The following NFXL1 variants were observed in gnomAD, a reference collection of about 807,000 sequenced individuals.
The protein encoded by NFXL1 is NF-X1-type zinc finger protein NFXL1.
A neutral mutation model predicts 123.3 loss-of-function variants in NFXL1; 66 were observed. The observed-to-expected ratio is 0.54, with a 90% CI of 0.44 to 0.66. NFXL1 has a LOEUF of 0.66. Ranked by LOEUF, NFXL1 falls within the 30% of genes least tolerant of loss-of-function variation. The pLI is 0.00. For synonymous variants in NFXL1, 346 were observed against 360.8 expected (o/e 0.96, Z 0.46); for missense variants, 944 against 1,125.6 (o/e 0.84, Z 2.31).
chr4:47,850,819 A>G (rs938999095), intron 22 of NFXL1, among the ~76,000 whole-genome samples: 2 of 152,104 alleles, frequency 1.3e-5, no homozygotes, highest in African/African-American at 2.4e-5. Context: ...AGGAGGAATT[A>G]AAATTCTTCT....
Position 47,903,887 on chromosome 4 carries a change from C to T in NFXL1, c.517-564G>A, listed in dbSNP as rs1737451835. Reference sequence around the variant, plus strand: ...TAGGTAATCAAAAAACAAGAATATACATAATTTAAAAGCTTAAGAAATAAT... The same window carrying T: ...TAGGTAATCAAAAAACAAGAATATATATAATTTAAAAGCTTAAGAAATAAT... On this transcript the variant is annotated intron_variant, in intron 4 of 22. Coordinates refer to ENST00000507489, the MANE Select transcript of NFXL1 (RefSeq NM_001278624.2). Among the ~76,000 whole-genome samples the T allele has an allele frequency of 2.0e-5, 3 of 152,072 alleles. No individual in the cohort carries two copies. The South Asian group carries it at 6.2e-4, about 31-fold the overall frequency.
chr4:47,913,784 G>C (rs891188411), intron 2 of NFXL1, among the ~76,000 whole-genome samples, 185 bp downstream of exon 2: 1 of 152,190 alleles, frequency 6.6e-6, no homozygotes, highest in Non-Finnish European at 1.5e-5. Context: ...AAAGAGGTGC[G>C]ATGGAAATCT....
chr4:47,884,564 A>T (rs972559192), intron 14 of NFXL1, 127 bp from the exon 15 acceptor site: 10 of 564,740 alleles, frequency 1.8e-5, no homozygotes, highest in Non-Finnish European at 2.9e-5. Flanking sequence ...AATAATCAAT[A>T]AATTGTGCTT....
intron 3 of NFXL1, among the ~76,000 whole-genome samples, chr4:47,909,858 A>C (rs1285560377): frequency 6.6e-6 from 1 of 152,034 alleles, no homozygotes; most frequent in Non-Finnish European, 1.5e-5. Flanking sequence ...ACGGGGTTTC[A>C]CCATGTTGGC....
chr4:47,860,591 C>A (rs1734708758), intron 19 of NFXL1, among the ~76,000 whole-genome samples: 1 of 152,162 alleles, frequency 6.6e-6, no homozygotes, highest in African/African-American at 2.4e-5. Flanking sequence ...ATGACATAGT[C>A]CCCTGCCTGT....
At chr4:47,872,517 T>A (rs1382073420) in intron 18 of NFXL1, among the ~76,000 whole-genome samples, 1 of 150,876 alleles carries the variant, frequency 6.6e-6, no homozygotes, top group Admixed American at 6.6e-5. Flanking sequence ...CTGGCATAGC[T>A]CAGAGATATT....
rs556015168 is a variant in NFXL1, at chr4:47,887,354, G to T, written c.1544-1355C>A. Among the ~76,000 whole-genome samples the T allele has an allele frequency of 2.4e-4, 37 of 152,264 alleles. 1 individual carries two copies. The South Asian group carries it at 6.6e-3, about 27-fold the overall frequency. ...AAGATTAAAGATGGACAATATCCTG[G>T]CTTAAGTGCCTCTAGAAGTTCAAAA... On this transcript the variant is annotated intron_variant, in intron 12 of 22. Transcript: ENST00000507489.
chr4:47,896,205 G>C (rs1476476740), intron 10 of NFXL1, among the ~76,000 whole-genome samples: 4 of 152,132 alleles, frequency 2.6e-5, no homozygotes. Flanking sequence ...AATAGTGCAA[G>C]AATTACCAAA....
intron 4 of NFXL1, 26 bp downstream of exon 4, chr4:47,905,211 T>A: frequency 1.1e-6 from 1 of 947,450 alleles, no homozygotes; most frequent in Non-Finnish European, 1.7e-6. Flanking sequence ...GGAGATACAT[T>A]AATATAAATA....
intron 11 of NFXL1, among the ~76,000 whole-genome samples, chr4:47,893,099 A>G (rs1038681572): frequency 1.3e-5 from 2 of 152,172 alleles, no homozygotes; most frequent in African/African-American, 4.8e-5. Flanking sequence ...GGATGGGATA[A>G]AAAGCAGATT....
intron 5 of NFXL1, among the ~76,000 whole-genome samples, chr4:47,900,255 G>A (rs1000646442): frequency 3.3e-5 from 5 of 151,932 alleles, no homozygotes; most frequent in Admixed American, 3.3e-4. Context: ...TGTCACCCAG[G>A]CTGGAGTATA....
intron 2 of NFXL1, 35 bp downstream of exon 2, chr4:47,913,934 A>G (rs1352591953): frequency 2.0e-6 from 3 of 1,478,346 alleles, no homozygotes; most frequent in Non-Finnish European, 2.8e-6. Flanking sequence ...CTTAGGAGGC[A>G]TCCAGGTGAG....
chr4:47,894,167 T>G lies in NFXL1; in HGVS notation c.1452+13A>C. The G allele has an allele frequency of 6.3e-7, 1 of 1,586,490 alleles. No individual in the cohort carries two copies. The highest frequency in any genetic ancestry group is 8.6e-7 in the Non-Finnish European group (1 of 1,167,014). ...GTCTTTAAATCAGAGGTTTCCAAGG[T>G]TAATACACAAACCTTTCTTCTACAT... is the stretch of plus-strand genomic sequence containing the variant. On this transcript the variant is annotated intron_variant, in intron 11 of 22. Coordinates refer to ENST00000507489, the MANE Select transcript of NFXL1 (RefSeq NM_001278624.2).
intron 18 of NFXL1, among the ~76,000 whole-genome samples, chr4:47,870,774 A>G (rs1489413745): frequency 1.3e-5 from 2 of 152,204 alleles, no homozygotes; most frequent in African/African-American, 2.4e-5. Flanking sequence ...GAAATGTCTA[A>G]GTCCTGGGCT....
intron 15 of NFXL1, 96 bp downstream of exon 15, chr4:47,884,250 C>T: frequency 1.5e-6 from 1 of 668,258 alleles, no homozygotes; most frequent in Non-Finnish European, 2.6e-6. Flanking sequence ...TAATAATGAA[C>T]TGAACTAAGA....
chr4:47,887,921 A>G (rs1736536467), intron 12 of NFXL1, among the ~76,000 whole-genome samples: 1 of 152,156 alleles, frequency 6.6e-6, no homozygotes, highest in Non-Finnish European at 1.5e-5. Context: ...AATAGCCAAA[A>G]TAGGCATGAT....
rs895662619 is a variant in NFXL1 at position 47,885,479 on chromosome 4, A to G, written c.1824+19T>C. The G allele has an allele frequency of 1.9e-6, 3 of 1,587,336 alleles. No homozygotes were observed. The highest frequency in any genetic ancestry group is 3.4e-5 in the Admixed American group (2 of 58,622). Reference sequence around the variant, plus strand: ...ACCCACAGCAATGCACTATTTCTCTAATAGTATTATTCCCTTACCCTGCCA... The same window carrying G: ...ACCCACAGCAATGCACTATTTCTCTGATAGTATTATTCCCTTACCCTGCCA... On this transcript the variant is annotated intron_variant, in intron 14 of 22. Coordinates refer to ENST00000507489, the MANE Select transcript of NFXL1 (RefSeq NM_001278624.2).
intron 17 of NFXL1, among the ~76,000 whole-genome samples, chr4:47,877,987 G>A (rs143988151): frequency 3.3e-5 from 5 of 152,088 alleles, no homozygotes; most frequent in African/African-American, 9.6e-5. Flanking sequence ...TCTTTGAAAA[G>A]CTGAGTTCTC....
chr4:47,875,395 T>C, intron 17 of NFXL1, 102 bp from the exon 18 acceptor site: 1 of 757,942 alleles, frequency 1.3e-6, no homozygotes, highest in Non-Finnish European at 2.0e-6. Flanking sequence ...AATAAAGTAC[T>C]TCTGCAGTTC....
Sources: gnomAD v4.1 joint callset for allele counts (sites outside exome capture counted in the v4.1 genomes callset) on GRCh38, gnomAD v4.1.1 for gene constraint, MANE v1.5 for transcripts, NCBI Gene and HGNC (gene_info 2026-07-23, HGNC 2026-07-21) for gene names.